ALG1L2: variants seen among roughly 807,000 people sequenced by gnomAD.
ALG1L2 encodes the protein putative glycosyltransferase ALG1L2.
Under a neutral mutation model 29.0 loss-of-function variants are expected in ALG1L2, and 32 were observed. That is an observed-to-expected ratio of 1.10 (90% CI 0.83 to 1.48). The LOEUF (loss-of-function observed/expected upper bound fraction) is 1.48. Among genes scored for constraint, ALG1L2 ranks in the 40% most tolerant of loss-of-function variants. The pLI, the probability that ALG1L2 is intolerant of heterozygous loss-of-function variation, is 0.00. For synonymous variants in ALG1L2, 110 were observed against 109.5 expected, an observed-to-expected ratio of 1.00 and a Z score of -0.03; for missense variants, 318 against 274.1, an observed-to-expected ratio of 1.16 and a Z score of -1.13.
In ALG1L2 at chr3:130,098,293, C is replaced by T. The variant is rs574907147; in HGVS notation, c.*38C>T. On this transcript the variant is annotated 3_prime_UTR_variant, in exon 8 of 8. Transcript: ENST00000425059. ...GCTAAACCAGTTCCGGAAGAACCTGCGGGAGTCGCAGCAGCTCTGATGGGA... is the reference window on the plus strand; with the variant it reads ...GCTAAACCAGTTCCGGAAGAACCTGTGGGAGTCGCAGCAGCTCTGATGGGA... 65 of 1,596,272 alleles carry T rather than the reference C, an allele frequency of 4.1e-5. No individual in the cohort carries two copies. Among genetic ancestry groups the T allele is most frequent in the African/African-American group, 1.5e-4 (11 of 74,816 alleles).
intron 5 of ALG1L2, 112 bp from the exon 6 acceptor site, chr3:130,095,937 G>A: frequency 8.7e-7 from 1 of 1,145,270 alleles, no homozygotes; most frequent in Non-Finnish European, 1.3e-6. Flanking sequence ...GGGATGTCGG[G>A]GGCCTTATCC....
At chr3:130,093,053 A>G (rs2108121704) in intron 3 of ALG1L2, 48 bp from the exon 4 acceptor site, 1 of 1,427,656 alleles carries the variant, frequency 7.0e-7, no homozygotes, top group East Asian at 2.4e-5. Context: ...AAAAAAAAAA[A>G]ATTAAATCAG....
chr3:130,090,787 A>G (rs1934999179), intron 1 of ALG1L2: 2 of 163,886 alleles, frequency 1.2e-5, no homozygotes, highest in Admixed American at 5.7e-5. Context: ...TCTGGCAGTA[A>G]TGAGTTGCAT....
At chr3:130,091,105 T>C in intron 1 of ALG1L2, 156 bp from the exon 2 acceptor site, 2 of 688,390 alleles carry the variant, frequency 2.9e-6, no homozygotes, top group Non-Finnish European at 4.9e-6. Context: ...ATTCCTCAGG[T>C]CTTTAGGGGA....
intron 3 of ALG1L2, 97 bp from the exon 4 acceptor site, chr3:130,093,004 T>C (rs1935050658): frequency 8.2e-7 from 1 of 1,213,540 alleles, no homozygotes; most frequent in South Asian, 1.5e-5. Context: ...CATTCCAGCC[T>C]GGGTGACAGA....
intron 1 of ALG1L2, among the ~76,000 whole-genome samples, chr3:130,084,933 T>G (rs1441034869): frequency 2.3e-5 from 3 of 129,432 alleles, no homozygotes; most frequent in Non-Finnish European, 5.3e-5. Flanking sequence ...TGTATATATA[T>G]AGAGATATAT....
At chr3:130,098,026 A>G (rs1325180978) in intron 7 of ALG1L2, among the ~76,000 whole-genome samples, 197 bp from the exon 8 acceptor site, 1 of 152,012 alleles carries the variant, frequency 6.6e-6, no homozygotes, top group African/African-American at 2.4e-5. Context: ...AGTGTGGGAA[A>G]GTGGGACATA....
chr3:130,096,256 C>T (rs1255885456), intron 6 of ALG1L2, 93 bp downstream of exon 6: 27 of 1,450,474 alleles, frequency 1.9e-5, no homozygotes, highest in Admixed American at 5.9e-5. Flanking sequence ...ACAGTGAGGC[C>T]CTGCCCCTCG....
At chr3:130,083,259 C>T (rs1394749418) in intron 1 of ALG1L2, among the ~76,000 whole-genome samples, 3 of 141,928 alleles carry the variant, frequency 2.1e-5, no homozygotes, top group Non-Finnish European at 1.6e-5. Context: ...GCCTGGCCAA[C>T]ATGGCGAAAC....
chr3:130,083,332 T>TA (rs1369184155), intron 1 of ALG1L2, among the ~76,000 whole-genome samples: 3 of 130,672 alleles, frequency 2.3e-5, no homozygotes, highest in Non-Finnish European at 5.3e-5. Flanking sequence ...TAATCCCAGC[T>TA]ACTCAGGAGG....
At chr3:130,082,486 T>G (rs186192193) in intron 1 of ALG1L2, among the ~76,000 whole-genome samples, 4,237 of 132,644 alleles carry the variant, frequency 0.032, 307 homozygotes, top group Middle Eastern at 0.076. Flanking sequence ...TACAGCCACC[T>G]GCCACCACGC....
chr3:130,088,942 C>T (rs201089116), intron 1 of ALG1L2, among the ~76,000 whole-genome samples: 1 of 151,278 alleles, frequency 6.6e-6, no homozygotes, highest in Non-Finnish European at 1.5e-5. Flanking sequence ...ACCCTTACAT[C>T]CCCAGACCCC....
intron 5 of ALG1L2, among the ~76,000 whole-genome samples, chr3:130,095,408 G>GTTT (rs1484362856): frequency 1.1e-5 from 1 of 90,754 alleles, no homozygotes; most frequent in East Asian, 5.0e-4. Context: ...GTGTGCTGTG[G>GTTT]TTTATTATTA....
At chr3:130,096,804 G>A (rs1473487749) in intron 6 of ALG1L2, among the ~76,000 whole-genome samples, 2 of 152,214 alleles carry the variant, frequency 1.3e-5, no homozygotes, top group Admixed American at 6.5e-5. Flanking sequence ...ATCAAATCTG[G>A]TGTCCTAGAA....
chr3:130,083,409 C>G (rs140839821), intron 1 of ALG1L2, among the ~76,000 whole-genome samples: 2,527 of 128,426 alleles, frequency 0.02, 401 homozygotes, highest in African/African-American at 0.06. Context: ...TCACCCTGCA[C>G]TCCAGCCTGG....
Position 130,092,085 on chromosome 3 carries a change from TTTTCTGC to T in ALG1L2, c.132-14_132-8del, listed in dbSNP as rs1935028525. On this transcript the variant is annotated splice_polypyrimidine_tract_variant and intron_variant, in intron 2 of 7. Coordinates refer to ENST00000425059, the MANE Select transcript of ALG1L2 (RefSeq NM_001136152.1). ...TGCTCTGTGGCCTCTCACAGGGTTT[TTTTCTGC>T]TCCTTCAGCTCAGAACCTGAGGACC... The T allele has an allele frequency of 6.2e-7, 1 of 1,612,822 alleles. No individual in the cohort carries two copies. Among genetic ancestry groups the T allele is most frequent in the Non-Finnish European group, 8.5e-7 (1 of 1,179,668 alleles).
chr3:130,083,698 G>A (rs1934833519), intron 1 of ALG1L2, among the ~76,000 whole-genome samples: 2 of 139,944 alleles, frequency 1.4e-5, no homozygotes, highest in South Asian at 2.3e-4. Flanking sequence ...ACAAATGAAA[G>A]CATCATGATA....
chr3:130,081,957 C>G lies in ALG1L2; in HGVS notation c.-60C>G. ...TCGATTGTAGGGTGTGAGGCTGTCA[C>G]AGAGGCTGGAGAAATAAGCAGTTCC... is the stretch of plus-strand genomic sequence containing the variant. On this transcript the variant is annotated 5_prime_UTR_variant, in exon 1 of 8. Coordinates refer to ENST00000425059, the MANE Select transcript of ALG1L2 (RefSeq NM_001136152.1). 1 of 1,426,588 alleles carries G rather than the reference C, an allele frequency of 7.0e-7. No homozygotes were observed. The highest frequency in any genetic ancestry group is 9.7e-7 in the Non-Finnish European group (1 of 1,035,186). 88.4% of individuals were successfully genotyped at this position (1,426,588 alleles called of 1,614,324 possible). A position where few individuals can be genotyped will look rare whatever the true frequency, so the allele number is the denominator to read the frequency against.
intron 1 of ALG1L2, 106 bp from the exon 2 acceptor site, chr3:130,091,155 T>C: frequency 2.0e-6 from 2 of 1,024,316 alleles, no homozygotes; most frequent in East Asian, 2.6e-5. Flanking sequence ...AAGGTTGTTT[T>C]GCTGAGGATG....
Sources: gnomAD v4.1 joint callset for allele counts (sites outside exome capture counted in the v4.1 genomes callset) on GRCh38, gnomAD v4.1.1 for gene constraint, MANE v1.5 for transcripts, NCBI Gene and HGNC (gene_info 2026-07-23, HGNC 2026-07-21) for gene names.